STIM2: variants seen among roughly 807,000 people sequenced by gnomAD.
STIM2 encodes stromal interaction molecule 2.
In STIM2, 31 loss-of-function variants were observed where a neutral mutation model predicts 85.8. That is an observed-to-expected ratio of 0.36 (90% CI 0.27 to 0.49). STIM2 has a LOEUF of 0.49. Ranked by LOEUF, STIM2 falls within the 20% of genes least tolerant of loss-of-function variation. The probability of loss-of-function intolerance (pLI) is 0.98; values close to 1 mark genes in which losing one functional copy is unlikely to be tolerated. For missense variants in STIM2, 841 were observed against 927.6 expected (o/e 0.91, Z 1.21); for synonymous variants, 356 against 331.1 (o/e 1.08, Z -0.82).
intron 10 of STIM2, among the ~76,000 whole-genome samples, chr4:27,013,539 A>AT (rs1262329665): frequency 1.3e-5 from 2 of 152,122 alleles, no homozygotes; most frequent in African/African-American, 2.4e-5. Flanking sequence ...AGGCAGCAAT[A>AT]TAAAGTAGGG....
chr4:26,912,679 C>T (rs1248887845), intron 1 of STIM2, among the ~76,000 whole-genome samples: 1 of 152,162 alleles, frequency 6.6e-6, no homozygotes, highest in Non-Finnish European at 1.5e-5. Flanking sequence ...ATTTAGTTCT[C>T]ACTTCAATAT....
intron 2 of STIM2, among the ~76,000 whole-genome samples, chr4:26,945,571 T>G (rs1234775389): frequency 6.6e-6 from 1 of 152,222 alleles, no homozygotes; most frequent in Non-Finnish European, 1.5e-5. Context: ...CCACCAACAG[T>G]GTAAAAGTGT....
At position 26,861,190 on chromosome 4, in the gene STIM2, G is replaced by C. The variant is rs1341641596; in HGVS notation, c.-29G>C. 6.9e-7 allele frequency: 1 copy of C among 1,443,964 alleles called. No individual in the cohort carries two copies. The highest frequency in any genetic ancestry group is 2.3e-5 in the Admixed American group (1 of 44,126). The allele number at this position is 1,443,964 out of a possible 1,614,324, so 89.4% of individuals were successfully genotyped here. A position where few individuals can be genotyped will look rare whatever the true frequency, so the allele number is the denominator to read the frequency against. On this transcript the variant is annotated 5_prime_UTR_variant, in exon 1 of 12. Transcript: ENST00000467087. ...TCGACTCCTGGCCCAGCGTGGGGCTGGCTGCTGCGGCGGCGGCGCTGGGCT... is the reference window on the plus strand; with the variant it reads ...TCGACTCCTGGCCCAGCGTGGGGCTCGCTGCTGCGGCGGCGGCGCTGGGCT...
Position 26,954,388 on chromosome 4 carries a change from A to G in STIM2, c.283-3224A>G, listed in dbSNP as rs892724430. Among the ~76,000 whole-genome samples, 2 of 125,688 alleles carry G rather than the reference A, an allele frequency of 1.6e-5. 1 individual carries two copies. The allele number at this position is 125,688 out of a possible 152,430, so 82.5% of individuals were successfully genotyped here. On this transcript the variant is annotated intron_variant, in intron 2 of 11. Transcript: ENST00000467087. ...AGGATTCCCTATAGTAGGTTTGCAT[A>G]TAATTGGGTGTATTTACCAGGGAAC...
chr4:26,870,118 A>G (rs1243004041), intron 1 of STIM2, among the ~76,000 whole-genome samples: 2 of 152,188 alleles, frequency 1.3e-5, no homozygotes, highest in African/African-American at 4.8e-5. Flanking sequence ...AATGGTGGTT[A>G]CCAGGGGCTA....
intron 10 of STIM2, among the ~76,000 whole-genome samples, chr4:27,014,504 A>G (rs1373419873): frequency 6.6e-6 from 1 of 151,788 alleles, no homozygotes; most frequent in East Asian, 1.9e-4. Context: ...TTGGGTTTTA[A>G]AAACATCTTT....
intron 5 of STIM2, among the ~76,000 whole-genome samples, chr4:26,999,786 C>G (rs1257807543): frequency 1.3e-5 from 2 of 152,096 alleles, no homozygotes; most frequent in Admixed American, 6.5e-5. Flanking sequence ...AGATGGAAAG[C>G]AAAGACTCAC....
chr4:26,907,204 T>C (rs1308080653), intron 1 of STIM2, among the ~76,000 whole-genome samples: 2 of 152,120 alleles, frequency 1.3e-5, no homozygotes, highest in Non-Finnish European at 2.9e-5. Context: ...TAAAACTTGG[T>C]GTTGAGAGAG....
intron 2 of STIM2, among the ~76,000 whole-genome samples, chr4:26,923,080 G>A (rs1724865436): frequency 1.3e-5 from 2 of 151,232 alleles, no homozygotes; most frequent in Admixed American, 1.3e-4. Context: ...TGACCCCCGA[G>A]CAGCCTAACT....
chr4:26,911,083 A>C (rs1425531840), intron 1 of STIM2, among the ~76,000 whole-genome samples: 2 of 151,936 alleles, frequency 1.3e-5, no homozygotes, highest in Non-Finnish European at 2.9e-5. Flanking sequence ...CTAAAAATAC[A>C]AAAATGAGCC....
In STIM2 at chr4:26,861,028, G is replaced by A. The variant is rs1178035542; in HGVS notation, c.-191G>A. 2.4e-6 allele frequency: 3 copies of A among 1,227,964 alleles called. No individual in the cohort carries two copies. The highest frequency in any genetic ancestry group is 3.1e-6 in the Non-Finnish European group (3 of 980,290). The allele number at this position is 1,227,964 out of a possible 1,614,324, so 76.1% of individuals were successfully genotyped here. ...GGGACCAGGCTGGCGCCCGGCGGGA[G>A]CCCGTGTCTGAGGCGGCGGGGGCGG... On this transcript the variant is annotated 5_prime_UTR_variant, in exon 1 of 12. Coordinates refer to ENST00000467087, the MANE Select transcript of STIM2 (RefSeq NM_020860.4).
chr4:26,889,521 A>G (rs1723383867), intron 1 of STIM2, among the ~76,000 whole-genome samples: 1 of 152,218 alleles, frequency 6.6e-6, no homozygotes, highest in South Asian at 2.1e-4. Context: ...TATCTGTTGT[A>G]ATAAGAACAA....
In STIM2 at chr4:27,021,120, C is replaced by T; in HGVS notation, c.1764-1399C>T. The T allele has an allele frequency of 2.1e-6, 3 of 1,443,512 alleles. No homozygotes were observed. In the South Asian group the frequency reaches 3.7e-5, roughly 18 times the overall value. 89.4% of individuals were successfully genotyped at this position (1,443,512 alleles called of 1,614,324 possible). On this transcript the variant is annotated intron_variant, in intron 11 of 11. Coordinates refer to ENST00000467087, the MANE Select transcript of STIM2 (RefSeq NM_020860.4). ...TAATATCTCACTCTGTTCATTCATT[C>T]ATTCACCCACCCTTCCATTCATTCA... is the stretch of plus-strand genomic sequence containing the variant.
At chr4:27,000,446 T>C (rs563642169) in intron 5 of STIM2, among the ~76,000 whole-genome samples, 2 of 152,354 alleles carry the variant, frequency 1.3e-5, no homozygotes, top group East Asian at 3.9e-4. Flanking sequence ...CCAGACTGAA[T>C]CCATTGGGGG....
intron 1 of STIM2, 81 bp downstream of exon 1, chr4:26,861,450 C>T: frequency 8.1e-7 from 1 of 1,236,768 alleles, no homozygotes; most frequent in East Asian, 3.3e-5. Context: ...GCATCTCCGC[C>T]GGACGTCCGC....
At chr4:26,973,586 G>C (rs371846918) in intron 3 of STIM2, among the ~76,000 whole-genome samples, 1 of 152,144 alleles carries the variant, frequency 6.6e-6, no homozygotes, top group African/African-American at 2.4e-5. Flanking sequence ...TAATTTGATC[G>C]CACTGTGGTC....
intron 2 of STIM2, 133 bp downstream of exon 2, chr4:26,919,767 C>A: frequency 9.1e-7 from 1 of 1,103,178 alleles, no homozygotes. Flanking sequence ...TTTCTTTTTA[C>A]ATGTTAATTT....
rs530208040 is a variant in STIM2, at chr4:26,931,012, T to TTA, written c.282+11378_282+11379insTA. On this transcript the variant is annotated intron_variant, in intron 2 of 11. Transcript: ENST00000467087. ...GCTGGGGTTGTGTCATCTCAAGGCC[T>TTA]GATTAGGGGAGGATCCACTTAAAAA... Among the ~76,000 whole-genome samples the TTA allele has an allele frequency of 3.9e-5, 6 of 152,236 alleles. No individual in the cohort carries two copies. In the South Asian group the frequency reaches 1.2e-3, roughly 32 times the overall value.
intron 3 of STIM2, among the ~76,000 whole-genome samples, chr4:26,977,222 G>C (rs1365664288): frequency 6.6e-6 from 1 of 152,136 alleles, no homozygotes; most frequent in Non-Finnish European, 1.5e-5. Context: ...AAGTGTTTAG[G>C]AAACTGTTGG....
Sources: gnomAD v4.1 joint callset for allele counts (sites outside exome capture counted in the v4.1 genomes callset) on GRCh38, gnomAD v4.1.1 for gene constraint, MANE v1.5 for transcripts, NCBI Gene and HGNC (gene_info 2026-07-23, HGNC 2026-07-21) for gene names.